Variants in CRB1 observed in about 807,000 individuals in gnomAD.
CRB1 encodes the protein crumbs cell polarity complex component 1, also known as protein crumbs homolog 1.
Under a neutral mutation model 120.0 loss-of-function variants are expected in CRB1, and 83 were observed. That is an observed-to-expected ratio of 0.69 (90% CI 0.58 to 0.83). The LOEUF is 0.83. Ranked by LOEUF, CRB1 falls within the 40% of genes least tolerant of loss-of-function variation. CRB1 has a pLI of 0.00. For synonymous variants in CRB1, 625 were observed against 612.5 expected, an observed-to-expected ratio of 1.02 and a Z score of -0.30; for missense variants, 1,699 against 1,687.6, an observed-to-expected ratio of 1.01 and a Z score of -0.12.
chr1:197,429,224 TTA>T, intron 7 of CRB1: 1 of 1,462,940 alleles, frequency 6.8e-7, no homozygotes, highest in Non-Finnish European at 9.1e-7. Flanking sequence ...TGGATCAATT[TTA>T]TATCTTTTCT....
In CRB1 at chr1:197,382,059, G is replaced by A. The variant is rs575450938; in HGVS notation, c.1171+25046G>A. On this transcript the variant is annotated intron_variant, in intron 5 of 11. Transcript: ENST00000367400. ...GCAGTCCCTTAGGAAGCAAAGTGAG[G>A]AGAAACTGTGATGGTGACGGGGAGT... Among the ~76,000 whole-genome samples the A allele has an allele frequency of 1.4e-3, 220 of 152,306 alleles. 1 individual carries two copies. The highest frequency in any genetic ancestry group is 1.6e-3 in the Non-Finnish European group (108 of 68,020).
At chr1:197,453,903 A>G (rs1357213039) in intron 11 of CRB1, among the ~76,000 whole-genome samples, 1 of 122,916 alleles carries the variant, frequency 8.1e-6, no homozygotes, top group Non-Finnish European at 1.5e-5. Flanking sequence ...TTATTATATT[A>G]TTAATATATA....
chr1:197,413,846 T>C (rs990071939), intron 5 of CRB1: 19 of 443,372 alleles, frequency 4.3e-5, no homozygotes, highest in Non-Finnish European at 7.8e-5. Flanking sequence ...AGAGGTGACA[T>C]TGAAGAACAA....
the CRB1 span, among the ~76,000 whole-genome samples, chr1:197,232,530 T>C: frequency 6.6e-6 from 1 of 152,104 alleles, no homozygotes; most frequent in East Asian, 1.9e-4. Flanking sequence ...AGGGGCAAGA[T>C]AGACAGGCAG....
At chr1:197,222,045 A>G in the CRB1 span, among the ~76,000 whole-genome samples, 14 of 152,382 alleles carry the variant, frequency 9.2e-5, no homozygotes, top group East Asian at 1.3e-3. Flanking sequence ...TTCAATATAT[A>G]CAGGTATAAT....
At position 197,427,559 on chromosome 1, in the gene CRB1, C is replaced by T. The variant is rs28939720; in HGVS notation, c.2234C>T (p.Thr745Met). The T allele has an allele frequency of 7.6e-5, 122 of 1,613,780 alleles. No homozygotes were observed. The highest frequency in any genetic ancestry group is 2.0e-4 in the African/African-American group (15 of 74,886). Residue 745 changes from threonine to methionine, a missense_variant, in exon 7 of 12, where the codon ACG (threonine) becomes ATG (methionine). By Grantham distance (81) the Thr-to-Met change is moderately conservative. Coordinates refer to ENST00000367400, the MANE Select transcript of CRB1 (RefSeq NM_201253.3). ...ATCAGCCTCTCCATGTTTGTCCGAA[C>T]GCTTCAACCATCAGGCTTACTTCTA... ...DTISLSMFVR[T>M]LQPSGLLLAL...
chr1:197,405,320 C>T (rs897669948), intron 5 of CRB1, among the ~76,000 whole-genome samples: 2 of 152,114 alleles, frequency 1.3e-5, no homozygotes, highest in African/African-American at 2.4e-5. Flanking sequence ...GCGAGTGATC[C>T]GCCAGCCTCG....
At chr1:197,452,941 A>G (rs1666041513) in intron 11 of CRB1, among the ~76,000 whole-genome samples, 1 of 152,180 alleles carries the variant, frequency 6.6e-6, no homozygotes, top group Admixed American at 6.6e-5. Flanking sequence ...TCCCATATTC[A>G]TTTCAGCATT....
intron 1 of CRB1, among the ~76,000 whole-genome samples, chr1:197,321,693 C>A (rs1157400077): frequency 6.6e-6 from 1 of 152,136 alleles, no homozygotes; most frequent in Non-Finnish European, 1.5e-5. Context: ...AAGGACAAGT[C>A]TTCATATATG....
At chr1:197,215,707 T>C in the CRB1 span, among the ~76,000 whole-genome samples, 2 of 152,210 alleles carry the variant, frequency 1.3e-5, no homozygotes, top group Admixed American at 1.3e-4. Context: ...CCTGCCACCA[T>C]GTGAAGAAGA....
intron 2 of CRB1, among the ~76,000 whole-genome samples, chr1:197,335,655 C>T (rs1467190843): frequency 5.9e-5 from 9 of 152,052 alleles, no homozygotes; most frequent in African/African-American, 1.7e-4. Flanking sequence ...CGTGCCACCA[C>T]GCCCAGCTAA....
intron 1 of CRB1, among the ~76,000 whole-genome samples, chr1:197,326,517 GCT>G (rs1243800280): frequency 6.6e-6 from 1 of 151,994 alleles, no homozygotes; most frequent in African/African-American, 2.4e-5. Flanking sequence ...TGTCATCCCA[GCT>G]CTTTGGGAGG....
At chr1:197,337,174 T>A (rs1659204503) in intron 2 of CRB1, among the ~76,000 whole-genome samples, 2 of 152,064 alleles carry the variant, frequency 1.3e-5, no homozygotes, top group Admixed American at 1.3e-4. Context: ...CCAAGAGAGA[T>A]CCCTCACCCC....
At chr1:197,427,023 C>T (rs1571537254) in intron 6 of CRB1, among the ~76,000 whole-genome samples, 1 of 152,158 alleles carries the variant, frequency 6.6e-6, no homozygotes, top group South Asian at 2.1e-4. Context: ...TTATGACTCC[C>T]TGCACAGTCC....
At chr1:197,217,275 G>T in the CRB1 span, among the ~76,000 whole-genome samples, 1 of 152,086 alleles carries the variant, frequency 6.6e-6, no homozygotes, top group African/African-American at 2.4e-5. Context: ...AAAACAGATT[G>T]TCAGTTCCTC....
At chr1:197,417,012 G>T (rs1664041180) in intron 5 of CRB1, among the ~76,000 whole-genome samples, 1 of 152,142 alleles carries the variant, frequency 6.6e-6, no homozygotes, top group Non-Finnish European at 1.5e-5. Flanking sequence ...TGGCCAAAAG[G>T]TTTATACTTA....
the CRB1 span, among the ~76,000 whole-genome samples, chr1:197,259,950 G>C: frequency 6.8e-6 from 1 of 147,450 alleles, no homozygotes; most frequent in African/African-American, 2.5e-5. Context: ...AGAAGTTAAA[G>C]ACCAGCCTAG....
intron 5 of CRB1, among the ~76,000 whole-genome samples, chr1:197,412,654 C>T (rs1663769942): frequency 6.6e-6 from 1 of 152,172 alleles, no homozygotes; most frequent in Non-Finnish European, 1.5e-5. Context: ...CTCCTTTGGT[C>T]CTCAAGGCTG....
chr1:197,266,164 G>A (rs1460891896), upstream of CRB1, among the ~76,000 whole-genome samples: 1 of 151,878 alleles, frequency 6.6e-6, no homozygotes, highest in Non-Finnish European at 1.5e-5. Flanking sequence ...CTATTTATTT[G>A]TTATACCTTT....
Sources: gnomAD v4.1 joint callset for allele counts (sites outside exome capture counted in the v4.1 genomes callset) on GRCh38, gnomAD v4.1.1 for gene constraint, MANE v1.5 for transcripts, NCBI Gene and HGNC (gene_info 2026-07-23, HGNC 2026-07-21) for gene names.